Variants in POSTN observed in about 807,000 individuals in gnomAD.
POSTN encodes the protein osteoblast specific factor 2 (fasciclin I-like).
Under a neutral mutation model 104.5 loss-of-function variants are expected in POSTN, and 71 were observed. The observed-to-expected ratio is 0.68, with a 90% CI of 0.56 to 0.83. The LOEUF is 0.83. POSTN is among the 40% of genes least tolerant of loss of function. The pLI, the probability that POSTN is intolerant of heterozygous loss-of-function variation, is 0.00. For synonymous variants in POSTN, 355 were observed against 340.7 expected (o/e 1.04, Z -0.46); for missense variants, 949 against 1,006.8 (o/e 0.94, Z 0.78).
At chr13:37,597,112 C>T (rs188725766) in intron 2 of POSTN, 72 bp downstream of exon 2, 16 of 984,520 alleles carry the variant, frequency 1.6e-5, no homozygotes, top group Middle Eastern at 2.9e-4. Context: ...GGTGTGTACA[C>T]CCAGGGGAAG....
chr13:37,579,841 T>A lies in POSTN; in HGVS notation c.1660+20A>T. On this transcript the variant is annotated intron_variant, in intron 12 of 22. Coordinates refer to ENST00000379747, the MANE Select transcript of POSTN (RefSeq NM_006475.3). The stretch of plus-strand genomic sequence containing the variant: ...ATCCTGAAATGAAAGGGAAAATATC[T>A]GGAATTCACTTCCACTTACGTATCA... 6.2e-7 allele frequency: 1 copy of A among 1,604,060 alleles called. No individual in the cohort carries two copies. The highest frequency in any genetic ancestry group is 8.5e-7 in the Non-Finnish European group (1 of 1,175,526).
At chr13:37,593,878 G>T (rs933179384) in intron 2 of POSTN, among the ~76,000 whole-genome samples, 1 of 151,594 alleles carries the variant, frequency 6.6e-6, no homozygotes, top group Non-Finnish European at 1.5e-5. Flanking sequence ...TTGTAGTCTG[G>T]TTTATAACCT....
rs1950678360 is a variant in POSTN, at chr13:37,584,095, C to T, written c.1117G>A (p.Val373Ile). 1 of 1,613,582 alleles carries T rather than the reference C, an allele frequency of 6.2e-7. No individual in the cohort carries two copies. The highest frequency in any genetic ancestry group is 1.3e-5 in the African/African-American group (1 of 74,906). ...QVLIPDSAKQ[V>I]IELAGKQQTT... The stretch of plus-strand genomic sequence containing the variant: ...TGCTGTTTTCCAGCCAGCTCAATAA[C>T]TTGTTTGGCTGAAAAATAAACCATC... The change falls in exon 9 of 23, where the codon GTT becomes ATT. Residue 373 changes from valine (V) to isoleucine (I), a missense_variant. Transcript: ENST00000379747.
rs752974882 is a variant in POSTN at position 37,580,657 on chromosome 13, T to G, written c.1433A>C (p.Lys478Thr). Residue 478 changes from lysine (K) to threonine (T), a missense_variant, in exon 11 of 23, where the codon AAG (lysine) becomes ACG (threonine). Lys to Thr is a moderately conservative substitution (Grantham distance 78). Transcript: ENST00000379747. ...GTGAATCGCACCGTTTCTCCCTTGC[T>G]TACTCCCTTTCTCCATGCATGAATT... ...IENSCMEKGS[K>T]QGRNGAIHIF... 2 of 1,614,158 alleles carry G rather than the reference T, an allele frequency of 1.2e-6. No individual in the cohort carries two copies. The highest frequency in any genetic ancestry group is 1.3e-5 in the African/African-American group (1 of 75,046).
At chr13:37,580,822 G>C (rs9576307) in intron 10 of POSTN, 125 bp from the exon 11 acceptor site, 356,330 of 1,077,256 alleles carry the variant, frequency 0.33, 60,930 homozygotes, top group Non-Finnish European at 0.35. Context: ...CTGAGGCCAC[G>C]GGAACAGCTT....
At chr13:37,574,434 A>C in intron 17 of POSTN, 138 bp downstream of exon 17, 3 of 1,170,880 alleles carry the variant, frequency 2.6e-6, no homozygotes, top group Non-Finnish European at 3.4e-6. Flanking sequence ...CAATTACATG[A>C]GCATGCCATT....
rs771038377 is a variant in POSTN at position 37,598,666 on chromosome 13, C to T, written c.61G>A (p.Ala21Thr). ...AAGATCTTGTCATAATGATTGTTGG[C>T]GTTTATAGGGTTAACAATAAGCAGC... ...LLLLIVNPIN[A>T]NNHYDKILAH... Residue 21 changes from alanine to threonine, a missense_variant, in exon 1 of 23, where the codon GCC becomes ACC. By Grantham distance (58) the Ala-to-Thr change is moderately conservative (BLOSUM62 0). Transcript: ENST00000379747. 12 of 1,613,342 alleles carry T rather than the reference C, an allele frequency of 7.4e-6. No homozygotes were observed. Among genetic ancestry groups the T allele is most frequent in the Middle Eastern group, 1.6e-4 (1 of 6,062 alleles).
Position 37,586,142 on chromosome 13 carries a change from C to T in POSTN, c.892G>A (p.Glu298Lys), listed in dbSNP as rs200575373. ...ERIMGDKVAS[E>K]ALMKYHILNT... is the part of the protein sequence containing the mutation. ...AGAGATGAAGACATTAAACTACCTT[C>T]GGAAGCCACTTTGTCTCCCATGATC... Residue 298 changes from glutamate to lysine, a missense_variant, in exon 7 of 23, where the codon GAA becomes AAA. Transcript: ENST00000379747. 261 of 1,609,966 alleles carry T rather than the reference C, an allele frequency of 1.6e-4. 2 individuals carry two copies. Among genetic ancestry groups the T allele is most frequent in the Non-Finnish European group, 9.2e-5 (108 of 1,177,824 alleles).
At chr13:37,588,571 A>C (rs1950827692) in intron 4 of POSTN, among the ~76,000 whole-genome samples, 1 of 152,162 alleles carries the variant, frequency 6.6e-6, no homozygotes, top group Admixed American at 6.6e-5. Context: ...ACAGAGGGGA[A>C]AAATGCTTTC....
intron 20 of POSTN, 128 bp downstream of exon 20, chr13:37,569,615 CT>C: frequency 1.1e-6 from 1 of 891,322 alleles, no homozygotes; most frequent in Non-Finnish European, 1.8e-6. Flanking sequence ...TATTCTTGTG[CT>C]TTTTTCTTGT....
rs1375437908 is a variant in POSTN, at chr13:37,577,910, T to G, written c.1963-112A>C. On this transcript the variant is annotated intron_variant, in intron 15 of 22. Coordinates refer to ENST00000379747, the MANE Select transcript of POSTN (RefSeq NM_006475.3). ...AAAAATAGTGAAGCTATTATTACACTTAATAGAAGTGAAGTCCTCATATAA... is the reference window on the plus strand; with the variant it reads ...AAAAATAGTGAAGCTATTATTACACGTAATAGAAGTGAAGTCCTCATATAA... 2.0e-6 allele frequency: 3 copies of G among 1,490,642 alleles called. No individual in the cohort carries two copies. The African/African-American group carries it at 4.2e-5, about 21-fold the overall frequency. The allele number at this position is 1,490,642 out of a possible 1,614,324, so 92.3% of individuals were successfully genotyped here. A position where few individuals can be genotyped will look rare whatever the true frequency, so the allele number is the denominator to read the frequency against.
intron 21 of POSTN, 53 bp from the exon 22 acceptor site, chr13:37,564,613 G>A (rs1950035642): frequency 4.9e-6 from 5 of 1,027,804 alleles, no homozygotes; most frequent in South Asian, 2.6e-5. Context: ...GCTAAAATCA[G>A]ACAGGAGACC....
intron 8 of POSTN, 118 bp from the exon 9 acceptor site, chr13:37,584,221 A>G: frequency 1.6e-6 from 2 of 1,272,146 alleles, no homozygotes; most frequent in Non-Finnish European, 2.2e-6. Context: ...CTGCAATGTC[A>G]GTGTGATAAG....
chr13:37,580,250 G>T (rs1031629801), intron 11 of POSTN, among the ~76,000 whole-genome samples: 1 of 151,982 alleles, frequency 6.6e-6, no homozygotes, highest in Non-Finnish European at 1.5e-5. Context: ...CAAAAAAGAA[G>T]CATTTTTATC....
rs1950953383 is a variant in POSTN, at chr13:37,592,149, T to G, written c.234A>C (p.Glu78Asp). The G allele has an allele frequency of 1.2e-6, 2 of 1,600,254 alleles. No homozygotes were observed. ...CCATTCTCATATAACCAGGGCAACA[T>G]TCATATAACACAGTCCTGTACATAG... ...ICGQKTTVLY[E>D]CCPGYMRMEG... The change falls in exon 3 of 23, where the codon GAA becomes GAC. Residue 78 changes from glutamate (E) to aspartate (D), a missense_variant. Coordinates refer to ENST00000379747, the MANE Select transcript of POSTN (RefSeq NM_006475.3).
In POSTN at chr13:37,586,902, G is replaced by T. The variant is rs1950763546; in HGVS notation, c.633C>A (p.Ile211=). 6.2e-7 allele frequency: 1 copy of T among 1,613,374 alleles called. No homozygotes were observed. Among genetic ancestry groups the T allele is most frequent in the East Asian group, 2.2e-5 (1 of 44,824 alleles). The change falls in exon 6 of 23, where the codon ATC becomes ATA. Residue 211 remains isoleucine (I), a synonymous_variant. Coordinates refer to ENST00000379747, the MANE Select transcript of POSTN (RefSeq NM_006475.3). The stretch of plus-strand genomic sequence containing the variant: ...TTGTTGCAATCTGGTTCCCATGGAT[G>T]ATTCGAGCACAATTAACAGTGACAA... The part of the protein sequence containing the change: ...NGVVTVNCAR[I]IHGNQIATNG...
chr13:37,586,886 T>C lies in POSTN; in HGVS notation c.649A>G (p.Ile217Val), dbSNP rs1029077152. ...ACATGGACAACACCATTTGTTGCAA[T>C]CTGGTTCCCATGGATGATTCGAGCA... ...NCARIIHGNQ[I>V]ATNGVVHVID... Residue 217 changes from isoleucine to valine, a missense_variant, in exon 6 of 23, where the codon ATT becomes GTT. Ile to Val is a conservative substitution (Grantham distance 29). Transcript: ENST00000379747. 3 of 1,613,552 alleles carry C rather than the reference T, an allele frequency of 1.9e-6. No homozygotes were observed. Among genetic ancestry groups the C allele is most frequent in the Non-Finnish European group, 2.5e-6 (3 of 1,179,614 alleles).
chr13:37,594,544 C>T (rs917479065), intron 2 of POSTN, among the ~76,000 whole-genome samples: 2 of 151,948 alleles, frequency 1.3e-5, no homozygotes, highest in Non-Finnish European at 2.9e-5. Flanking sequence ...TATTGCTATA[C>T]ATAGCTCTAA....
chr13:37,564,822 A>G (rs1179478649), intron 21 of POSTN: 1 of 298,644 alleles, frequency 3.3e-6, no homozygotes, highest in Non-Finnish European at 6.1e-6. Flanking sequence ...TTGGAACCCC[A>G]CCTAATGTGC....
Sources: allele counts gnomAD v4.1 joint callset (sites outside exome capture counted in the v4.1 genomes callset), GRCh38; gene constraint gnomAD v4.1.1; transcripts MANE v1.5; gene names NCBI Gene and HGNC (gene_info 2026-07-23, HGNC 2026-07-21).